FXR1: variants seen among roughly 807,000 people sequenced by gnomAD.
FXR1 encodes the protein RNA-binding protein FXR1.
In FXR1, 15 loss-of-function variants were observed where a neutral mutation model predicts 84.0. That is an observed-to-expected ratio of 0.18 (90% CI 0.12 to 0.27). The LOEUF (loss-of-function observed/expected upper bound fraction) is 0.27. Ranked by LOEUF, FXR1 falls within the 10% of genes least tolerant of loss-of-function variation. FXR1 has a pLI of 1.00. For synonymous variants in FXR1, 245 were observed against 250.7 expected, an observed-to-expected ratio of 0.98 and a Z score of 0.21; for missense variants, 480 against 774.4, an observed-to-expected ratio of 0.62 and a Z score of 4.51.
intron 1 of FXR1, among the ~76,000 whole-genome samples, chr3:180,928,671 T>G (rs985747853): frequency 1.3e-5 from 2 of 152,002 alleles, no homozygotes; most frequent in East Asian, 1.9e-4. Context: ...ATTTTTTGGT[T>G]GTTGCTGTAA....
Position 180,954,112 on chromosome 3 carries a change from C to T in FXR1, c.880+272C>T, listed in dbSNP as rs992468368. ...TAAGTTTGTCATTACAGTTTTTCAT[C>T]AGTCTTTTCATCCCTTGGGATCTTC... On this transcript the variant is annotated intron_variant, in intron 9 of 16. Coordinates refer to ENST00000357559, the MANE Select transcript of FXR1 (RefSeq NM_005087.4). The T allele has an allele frequency of 2.1e-5, 6 of 287,886 alleles. 1 individual carries two copies. Among genetic ancestry groups the T allele is most frequent in the Admixed American group, 1.9e-4 (4 of 20,792 alleles). The allele number at this position is 287,886 out of a possible 1,614,324, so 17.8% of individuals were successfully genotyped here.
At chr3:180,914,179 CTT>C (rs199535265) in intron 1 of FXR1, among the ~76,000 whole-genome samples, 105 of 152,262 alleles carry the variant, frequency 6.9e-4, no homozygotes, top group East Asian at 1.5e-3. Flanking sequence ...CGGTTTAAGA[CTT>C]GATGTCAGAC....
At chr3:180,955,220 C>G (rs1387231644) in intron 9 of FXR1, among the ~76,000 whole-genome samples, 2 of 151,990 alleles carry the variant, frequency 1.3e-5, no homozygotes. Context: ...GTCTTGAACT[C>G]CTGCTCCTGA....
chr3:180,925,758 C>T (rs1428834558), intron 1 of FXR1, among the ~76,000 whole-genome samples: 1 of 152,140 alleles, frequency 6.6e-6, no homozygotes, highest in Non-Finnish European at 1.5e-5. Context: ...AATAAATAAA[C>T]TGATAATTGA....
chr3:180,915,775 G>C, intron 1 of FXR1: 1 of 597,030 alleles, frequency 1.7e-6, no homozygotes, highest in South Asian at 2.0e-5. Context: ...TTTGATTAAA[G>C]TTTTTGTAGT....
chr3:180,957,078 TGTGA>T (rs1398969480), intron 9 of FXR1, among the ~76,000 whole-genome samples: 3 of 152,340 alleles, frequency 2.0e-5, no homozygotes, highest in East Asian at 1.9e-4. Flanking sequence ...TTGTTATTTA[TGTGA>T]GTATGTGCTA....
At chr3:180,947,438 T>C (rs1721817452) in intron 3 of FXR1, among the ~76,000 whole-genome samples, 1 of 152,220 alleles carries the variant, frequency 6.6e-6, no homozygotes, top group African/African-American at 2.4e-5. Context: ...TTTAGTACAT[T>C]TGATTTAGGT....
At chr3:180,944,012 G>A (rs1721421310) in intron 3 of FXR1, among the ~76,000 whole-genome samples, 1 of 152,004 alleles carries the variant, frequency 6.6e-6, no homozygotes, top group African/African-American at 2.4e-5. Flanking sequence ...CGCCTCCCAG[G>A]TTCAAGCAAT....
intron 8 of FXR1, 72 bp from the exon 9 acceptor site, chr3:180,953,687 ATCT>A (rs1170177728): frequency 9.6e-6 from 7 of 727,614 alleles, no homozygotes; most frequent in East Asian, 2.5e-5. Flanking sequence ...CTCTTTTCTC[ATCT>A]TCTTGTTTTG....
intron 3 of FXR1, among the ~76,000 whole-genome samples, chr3:180,941,972 T>G (rs1382103735): frequency 1.3e-5 from 2 of 152,188 alleles, no homozygotes; most frequent in African/African-American, 2.4e-5. Flanking sequence ...ATTATTTAGT[T>G]TAATAGTAAA....
chr3:180,937,209 G>T (rs1213927369), intron 3 of FXR1, among the ~76,000 whole-genome samples: 1 of 152,162 alleles, frequency 6.6e-6, no homozygotes, highest in African/African-American at 2.4e-5. Flanking sequence ...GTCAAGCAAG[G>T]AATGATGTAG....
At chr3:180,952,646 G>A (rs1722344463) in intron 8 of FXR1, among the ~76,000 whole-genome samples, 1 of 151,866 alleles carries the variant, frequency 6.6e-6, no homozygotes, top group African/African-American at 2.4e-5. Context: ...GCTGCTTTGA[G>A]TAGGCTTGGA....
At chr3:180,952,828 C>G (rs1056086505) in intron 8 of FXR1, among the ~76,000 whole-genome samples, 2 of 121,500 alleles carry the variant, frequency 1.6e-5, no homozygotes, top group African/African-American at 6.1e-5. Context: ...ATTTTATTTG[C>G]TTTTTTTTTT....
At chr3:180,968,632 C>G (rs1713144610) in intron 14 of FXR1, among the ~76,000 whole-genome samples, 1 of 152,066 alleles carries the variant, frequency 6.6e-6, no homozygotes, top group African/African-American at 2.4e-5. Flanking sequence ...GATGTCAGTA[C>G]TTTTCTATAC....
At chr3:180,948,883 C>A in intron 6 of FXR1, 69 bp downstream of exon 6, 1 of 796,210 alleles carries the variant, frequency 1.3e-6, no homozygotes, top group South Asian at 1.5e-5. Context: ...TTACATATTT[C>A]AGAAGAGAAA....
At chr3:180,938,965 A>G (rs1720830005) in intron 3 of FXR1, among the ~76,000 whole-genome samples, 1 of 150,882 alleles carries the variant, frequency 6.6e-6, no homozygotes, top group Non-Finnish European at 1.5e-5. Flanking sequence ...GCACAATCTC[A>G]GTTCACTGCA....
In FXR1 at chr3:180,948,961, A is replaced by G. The variant is rs1039370997; in HGVS notation, c.513+147A>G. 1.6e-5 allele frequency: 10 copies of G among 624,932 alleles called. No individual in the cohort carries two copies. The African/African-American group carries it at 1.7e-4, about 10-fold the overall frequency. The allele number at this position is 624,932 out of a possible 1,614,324, so 38.7% of individuals were successfully genotyped here. A position where few individuals can be genotyped will look rare whatever the true frequency, so the allele number is the denominator to read the frequency against. On this transcript the variant is annotated intron_variant, in intron 6 of 16. Transcript: ENST00000357559. ...GTGGGAGAAAAATTTGTTTGCAGCTATAAAATGTTAATTACATTCTTAACA... is the reference window on the plus strand; with the variant it reads ...GTGGGAGAAAAATTTGTTTGCAGCTGTAAAATGTTAATTACATTCTTAACA...
chr3:180,964,673 T>TTATATATGTATATATATA (rs1553777577), intron 13 of FXR1, among the ~76,000 whole-genome samples: 1 of 136,356 alleles, frequency 7.3e-6, no homozygotes, highest in African/African-American at 2.9e-5. Flanking sequence ...TGTAGTTGAT[T>TTATATATGTATATATATA]TATATATATA....
chr3:180,929,419 T>C (rs2108438287), intron 1 of FXR1, among the ~76,000 whole-genome samples: 1 of 152,332 alleles, frequency 6.6e-6, no homozygotes, highest in South Asian at 2.1e-4. Context: ...TATTGGACTG[T>C]GCGAGTGAAC....
Sources: gnomAD v4.1 joint callset for allele counts (sites outside exome capture counted in the v4.1 genomes callset) on GRCh38, gnomAD v4.1.1 for gene constraint, MANE v1.5 for transcripts, NCBI Gene and HGNC (gene_info 2026-07-23, HGNC 2026-07-21) for gene names.